Variants in SLC2A13 observed in about 807,000 individuals in gnomAD.
SLC2A13 encodes the protein proton myo-inositol cotransporter.
SLC2A13 carries 32 observed loss-of-function variants against 64.4 expected under a neutral mutation model. The observed-to-expected ratio is 0.50, with a 90% CI of 0.37 to 0.67. SLC2A13 has a LOEUF of 0.67. Among genes scored for constraint, SLC2A13 ranks in the 30% least tolerant of loss-of-function variants. The probability of loss-of-function intolerance (pLI) is 0.00; values close to 1 mark genes in which losing one functional copy is unlikely to be tolerated. For synonymous variants in SLC2A13, 338 were observed against 327.1 expected (o/e 1.03, Z -0.36); for missense variants, 743 against 829.2 (o/e 0.90, Z 1.28).
rs1339672056 is a variant in SLC2A13, at chr12:39,895,776, G to A, written c.1035-23815C>T. Among the ~76,000 whole-genome samples, 385 of 74,054 alleles carry A rather than the reference G, an allele frequency of 5.2e-3. 81 individuals are homozygous for A. Among genetic ancestry groups the A allele is most frequent in the African/African-American group, 0.013 (217 of 16,164 alleles). The allele number at this position is 74,054 out of a possible 152,430, so 48.6% of individuals were successfully genotyped here. A position where few individuals can be genotyped will look rare whatever the true frequency, so the allele number is the denominator to read the frequency against. On this transcript the variant is annotated intron_variant, in intron 4 of 9. Transcript: ENST00000280871. The stretch of plus-strand genomic sequence containing the variant: ...CGTGTATACGTACACACATGTATAT[G>A]CGTGTATACGTACACACATGTATAT...
At chr12:39,763,535 G>C (rs182192419) in intron 9 of SLC2A13, among the ~76,000 whole-genome samples, 72 of 152,136 alleles carry the variant, frequency 4.7e-4, no homozygotes, top group African/African-American at 1.5e-3. Flanking sequence ...GGCCCTCCAG[G>C]GATTTATAGT....
chr12:39,776,334 G>A (rs548791487), intron 7 of SLC2A13, among the ~76,000 whole-genome samples: 42 of 152,238 alleles, frequency 2.8e-4, no homozygotes, highest in African/African-American at 7.0e-4. Flanking sequence ...GGTCCCCCTC[G>A]CCACCAAGCA....
rs113325273 is a variant in SLC2A13, at chr12:40,045,686, C to A, written c.716+2365G>T. Among the ~76,000 whole-genome samples the A allele has an allele frequency of 5.3e-5, 8 of 152,100 alleles. 1 individual carries two copies. Among genetic ancestry groups the A allele is most frequent in the African/African-American group, 1.9e-4 (8 of 41,502 alleles). On this transcript the variant is annotated intron_variant, in intron 2 of 9. Transcript: ENST00000280871. Reference sequence around the variant, plus strand: ...GTTAATACTTTGGTCTATATATCAACGGGAGTTAGTTTTCCCATACTCTTA... The same window carrying A: ...GTTAATACTTTGGTCTATATATCAAAGGGAGTTAGTTTTCCCATACTCTTA...
chr12:39,897,026 C>G (rs970739010), intron 4 of SLC2A13, among the ~76,000 whole-genome samples: 5 of 152,134 alleles, frequency 3.3e-5, no homozygotes, highest in African/African-American at 1.2e-4. Flanking sequence ...AAGAGACCAA[C>G]AAGTTCTAAC....
chr12:40,009,172 T>C (rs1236232768), intron 3 of SLC2A13, among the ~76,000 whole-genome samples: 1 of 152,108 alleles, frequency 6.6e-6, no homozygotes, highest in East Asian at 1.9e-4. Context: ...AGCAGAGAGG[T>C]ATAAAATGCG....
chr12:39,855,573 GT>G (rs933983922), intron 6 of SLC2A13, among the ~76,000 whole-genome samples: 15 of 152,006 alleles, frequency 9.9e-5, no homozygotes, highest in Middle Eastern at 3.4e-3. Context: ...GAGGAAGGCT[GT>G]TTTTTTTGTT....
rs540535361 is a variant in SLC2A13, at chr12:40,098,065, G to A, written c.556+7188C>T. ...TATATATGTGTATATATGTATATAT[G>A]TGTATATATATGTATATATGCATAT... On this transcript the variant is annotated intron_variant, in intron 1 of 9. Coordinates refer to ENST00000280871, the MANE Select transcript of SLC2A13 (RefSeq NM_052885.4). Among the ~76,000 whole-genome samples, 15 of 150,944 alleles carry A rather than the reference G, an allele frequency of 9.9e-5. No homozygotes were observed. The East Asian group carries it at 1.4e-3, about 14-fold the overall frequency.
chr12:39,997,415 C>T (rs1017193090), intron 3 of SLC2A13, among the ~76,000 whole-genome samples: 1 of 152,052 alleles, frequency 6.6e-6, no homozygotes, highest in Admixed American at 6.5e-5. Flanking sequence ...AAACCTAAGA[C>T]AATTCTCAAA....
chr12:40,053,833 C>G (rs1948297006), intron 1 of SLC2A13, among the ~76,000 whole-genome samples: 1 of 152,198 alleles, frequency 6.6e-6, no homozygotes, highest in Admixed American at 6.5e-5. Context: ...ACTCACCTTG[C>G]TGTTAATAAA....
chr12:39,819,350 G>A (rs1675372384), intron 7 of SLC2A13, among the ~76,000 whole-genome samples: 1 of 151,992 alleles, frequency 6.6e-6, no homozygotes, highest in Non-Finnish European at 1.5e-5. Flanking sequence ...TAGGACCTTT[G>A]ACATTATTTT....
chr12:39,839,209 C>T (rs4400866), intron 6 of SLC2A13, among the ~76,000 whole-genome samples: 10 of 152,186 alleles, frequency 6.6e-5, no homozygotes, highest in African/African-American at 9.6e-5. Flanking sequence ...GTCGGGACAG[C>T]GACTCCATGC....
rs1230558903 is a variant in SLC2A13, at chr12:39,895,761, T to C, written c.1035-23800A>G. Among the ~76,000 whole-genome samples, 22 of 57,064 alleles carry C rather than the reference T, an allele frequency of 3.9e-4. 4 individuals are homozygous for C. Among genetic ancestry groups the C allele is most frequent in the African/African-American group, 1.4e-3 (22 of 16,142 alleles). 37.4% of individuals were successfully genotyped at this position (57,064 alleles called of 152,430 possible). A position where few individuals can be genotyped will look rare whatever the true frequency, so the allele number is the denominator to read the frequency against. On this transcript the variant is annotated intron_variant, in intron 4 of 9. Coordinates refer to ENST00000280871, the MANE Select transcript of SLC2A13 (RefSeq NM_052885.4). ...ACACACATGTATATGCGTGTATACG[T>C]ACACACATGTATATGCGTGTATACG...
At chr12:39,878,608 G>A (rs141871626) in intron 4 of SLC2A13, among the ~76,000 whole-genome samples, 183 of 152,288 alleles carry the variant, frequency 1.2e-3, no homozygotes, top group African/African-American at 3.8e-3. Context: ...TCAAGAAGTC[G>A]CCTGTCTGCT....
At chr12:40,082,390 T>C (rs767842111) in intron 1 of SLC2A13, among the ~76,000 whole-genome samples, 24 of 152,238 alleles carry the variant, frequency 1.6e-4, no homozygotes, top group Admixed American at 1.2e-3. Flanking sequence ...TTTCCAGAGT[T>C]TTGAGTTGTA....
At chr12:40,085,606 T>C (rs1938564921) in intron 1 of SLC2A13, among the ~76,000 whole-genome samples, 1 of 152,206 alleles carries the variant, frequency 6.6e-6, no homozygotes, top group Admixed American at 6.5e-5. Context: ...AAATATACTT[T>C]TGAGTATGTT....
At chr12:40,086,686 C>A (rs1330707554) in intron 1 of SLC2A13, among the ~76,000 whole-genome samples, 2 of 152,180 alleles carry the variant, frequency 1.3e-5, no homozygotes, top group Non-Finnish European at 2.9e-5. Context: ...ATTGTTGTCT[C>A]CTATCCACAA....
intron 7 of SLC2A13, among the ~76,000 whole-genome samples, chr12:39,824,032 C>A (rs1010067317): frequency 2.6e-5 from 4 of 152,032 alleles, no homozygotes; most frequent in African/African-American, 7.2e-5. Context: ...TAATTTTAAA[C>A]CCTTATATAT....
chr12:39,890,897 A>G (rs1388478872), intron 4 of SLC2A13, among the ~76,000 whole-genome samples: 3 of 152,180 alleles, frequency 2.0e-5, no homozygotes, highest in Non-Finnish European at 4.4e-5. Flanking sequence ...AAAACCTTAC[A>G]AAGTGGTACA....
At chr12:39,884,419 G>A (rs1450119015) in intron 4 of SLC2A13, among the ~76,000 whole-genome samples, 6 of 152,016 alleles carry the variant, frequency 3.9e-5, no homozygotes, top group Admixed American at 3.9e-4. Context: ...TTTACCTCTG[G>A]TTGCCTAAAA....
Sources: gnomAD v4.1 joint callset for allele counts (sites outside exome capture counted in the v4.1 genomes callset) on GRCh38, gnomAD v4.1.1 for gene constraint, MANE v1.5 for transcripts, NCBI Gene and HGNC (gene_info 2026-07-23, HGNC 2026-07-21) for gene names.